The following FAM227A variants were observed in gnomAD, a reference collection of about 807,000 sequenced individuals.
FAM227A encodes the protein protein FAM227A.
A neutral mutation model predicts 74.7 loss-of-function variants in FAM227A; 80 were observed. The observed-to-expected ratio is 1.07, with a 90% CI of 0.89 to 1.29. FAM227A has a LOEUF of 1.29. FAM227A is among the 50% of genes most tolerant of loss of function. The pLI is 0.00. For synonymous variants in FAM227A, 237 were observed against 241.8 expected, an observed-to-expected ratio of 0.98 and a Z score of 0.19; for missense variants, 654 against 683.4, an observed-to-expected ratio of 0.96 and a Z score of 0.48.
At position 38,581,338 on chromosome 22, in the gene FAM227A, A is replaced by AG. The variant is rs1201650705; in HGVS notation, c.*4786dup. On this transcript the variant is annotated 3_prime_UTR_variant, in exon 17 of 17. Transcript: ENST00000535113. ...ACTGATCATTTCTTCAAGGATCCCT[A>AG]GATCCTTTTAGGGCAAATAGTATTT... The AG allele has an allele frequency of 1.3e-5, 2 of 152,178 alleles. No individual in the cohort carries two copies. Among genetic ancestry groups the AG allele is most frequent in the African/African-American group, 4.8e-5 (2 of 41,444 alleles). 9.4% of individuals were successfully genotyped at this position (152,178 alleles called of 1,614,324 possible).
chr22:38,610,303 GC>G (rs1249728995), intron 11 of FAM227A, among the ~76,000 whole-genome samples: 1 of 152,146 alleles, frequency 6.6e-6, no homozygotes, highest in Non-Finnish European at 1.5e-5. Context: ...AGGATTACAG[GC>G]CTGAGCCACC....
intron 11 of FAM227A, among the ~76,000 whole-genome samples, chr22:38,619,516 G>A (rs2091643091): frequency 6.6e-6 from 1 of 152,128 alleles, no homozygotes; most frequent in Admixed American, 6.6e-5. Flanking sequence ...TAGAGACGAG[G>A]TTTCACCATG....
chr22:38,627,053 C>T (rs111505286), intron 8 of FAM227A, among the ~76,000 whole-genome samples: 2,236 of 150,056 alleles, frequency 0.015, 54 homozygotes, highest in African/African-American at 0.05. Flanking sequence ...GTTATGATTG[C>T]ACCACCCTGG....
chr22:38,648,847 C>T (rs1386562799), intron 2 of FAM227A, among the ~76,000 whole-genome samples: 3 of 151,360 alleles, frequency 2.0e-5, no homozygotes, highest in Non-Finnish European at 2.9e-5. Context: ...GTGGTGGGTG[C>T]CTGTAATCTC....
At chr22:38,650,763 G>A (rs1054273626) in intron 1 of FAM227A, among the ~76,000 whole-genome samples, 1 of 152,064 alleles carries the variant, frequency 6.6e-6, no homozygotes, top group African/African-American at 2.4e-5. Flanking sequence ...CAGAAAACTG[G>A]CCCCAACCCT....
intron 11 of FAM227A, among the ~76,000 whole-genome samples, chr22:38,611,074 A>G (rs1463462208): frequency 6.6e-6 from 1 of 152,170 alleles, no homozygotes; most frequent in African/African-American, 2.4e-5. Context: ...AAAGAAAAAA[A>G]AAATCTTTCC....
intron 13 of FAM227A, among the ~76,000 whole-genome samples, chr22:38,604,098 G>A (rs542874436): frequency 1.3e-5 from 2 of 152,184 alleles, no homozygotes; most frequent in East Asian, 1.9e-4. Context: ...AGGCCGAAGG[G>A]GGCGGATCAC....
intron 1 of FAM227A, among the ~76,000 whole-genome samples, chr22:38,655,270 CT>C (rs1396443693): frequency 6.6e-5 from 10 of 151,978 alleles, no homozygotes; most frequent in African/African-American, 2.2e-4. Context: ...TGGCCCGCAC[CT>C]GTAATACCAG....
At chr22:38,600,620 G>A (rs1005902661) in intron 13 of FAM227A, among the ~76,000 whole-genome samples, 9 of 151,892 alleles carry the variant, frequency 5.9e-5, no homozygotes, top group South Asian at 4.1e-4. Context: ...TTATAGGCAT[G>A]AGCCATCATG....
chr22:38,617,681 G>A (rs1263588222), intron 11 of FAM227A, among the ~76,000 whole-genome samples: 2 of 152,190 alleles, frequency 1.3e-5, no homozygotes, highest in East Asian at 1.9e-4. Flanking sequence ...GGTACTAGAA[G>A]TGGGAATGTT....
chr22:38,624,721 CAT>C (rs1002544096), intron 9 of FAM227A, among the ~76,000 whole-genome samples: 9 of 152,162 alleles, frequency 5.9e-5, no homozygotes, highest in Non-Finnish European at 1.0e-4. Flanking sequence ...GCAACACACA[CAT>C]GTTGCTAGAT....
At chr22:38,604,915 A>C (rs2091252408) in intron 13 of FAM227A, among the ~76,000 whole-genome samples, 1 of 152,104 alleles carries the variant, frequency 6.6e-6, no homozygotes, top group East Asian at 1.9e-4. Flanking sequence ...GGCCTCCCAA[A>C]GTGCTGGGAT....
chr22:38,644,145 CAAAAAA>C lies in FAM227A; in HGVS notation c.225+1412_225+1417del, dbSNP rs950184744. 1.6e-4 allele frequency among the ~76,000 whole-genome samples: 7 copies of C among 43,610 alleles called. No homozygotes were observed. The East Asian group carries it at 2.3e-3, about 14-fold the overall frequency. The allele number at this position is 43,610 out of a possible 152,430, so 28.6% of individuals were successfully genotyped here. On this transcript the variant is annotated intron_variant, in intron 3 of 16. Coordinates refer to ENST00000535113, the MANE Select transcript of FAM227A (RefSeq NM_001013647.2). ...TGGACGAGAGTGTGAGACTCCATCT[CAAAAAA>C]AAAAAAAAAAAAAAAAAGATGTGGA...
chr22:38,595,148 A>G (rs1602861796), intron 15 of FAM227A, among the ~76,000 whole-genome samples: 1 of 152,332 alleles, frequency 6.6e-6, no homozygotes, highest in East Asian at 1.9e-4. Context: ...ATTGCATAAC[A>G]AAGTATTTAT....
intron 16 of FAM227A, among the ~76,000 whole-genome samples, chr22:38,590,368 G>C (rs1260258078): frequency 6.6e-6 from 1 of 151,282 alleles, no homozygotes. Context: ...ACTGCTAGAA[G>C]ATGTGCTCCA....
chr22:38,613,066 AATAT>A (rs1459507442), intron 11 of FAM227A, among the ~76,000 whole-genome samples: 1 of 102,360 alleles, frequency 9.8e-6, no homozygotes, highest in East Asian at 2.5e-4. Context: ...TATATATGTA[AATAT>A]ATTATATATA....
At chr22:38,626,895 T>A (rs371057953) in intron 8 of FAM227A, among the ~76,000 whole-genome samples, 2,148 of 57,208 alleles carry the variant, frequency 0.038, 39 homozygotes, top group East Asian at 0.14. Context: ...AAAAAAAATA[T>A]ATATATATAT....
At chr22:38,612,222 A>T (rs2091427849) in intron 11 of FAM227A, among the ~76,000 whole-genome samples, 1 of 152,206 alleles carries the variant, frequency 6.6e-6, no homozygotes, top group Non-Finnish European at 1.5e-5. Context: ...ACATCATGTC[A>T]TCCCTAATGT....
chr22:38,612,872 G>A (rs895247273), intron 11 of FAM227A, among the ~76,000 whole-genome samples: 3 of 150,706 alleles, frequency 2.0e-5, no homozygotes, highest in Non-Finnish European at 2.9e-5. Flanking sequence ...AAGCTAACAC[G>A]GAGACTCTTC....
Sources: gnomAD v4.1 joint callset for allele counts (sites outside exome capture counted in the v4.1 genomes callset) on GRCh38, gnomAD v4.1.1 for gene constraint, MANE v1.5 for transcripts, NCBI Gene and HGNC (gene_info 2026-07-23, HGNC 2026-07-21) for gene names.